PAM: variants seen among roughly 807,000 people sequenced by gnomAD.
PAM encodes the protein peptidylglycine alpha-amidating monooxygenase.
PAM carries 72 observed loss-of-function variants against 122.1 expected under a neutral mutation model. The ratio of observed to expected loss-of-function variants is 0.59; its 90% CI spans 0.49 to 0.72. PAM has a LOEUF of 0.72. PAM is among the 30% of genes least tolerant of loss of function. The probability of loss-of-function intolerance (pLI) is 0.00; values close to 1 mark genes in which losing one functional copy is unlikely to be tolerated. For synonymous variants in PAM, 389 were observed against 404.4 expected (o/e 0.96, Z 0.46); for missense variants, 1,106 against 1,183.7 (o/e 0.93, Z 0.96).
At chr5:102,778,032 C>T (rs1757652119) in intron 1 of PAM, among the ~76,000 whole-genome samples, 1 of 152,082 alleles carries the variant, frequency 6.6e-6, no homozygotes, top group East Asian at 1.9e-4. Context: ...GGCATTGTGC[C>T]GTCTTGGGGT....
At chr5:102,836,652 C>G (rs1056354790) in intron 1 of PAM, among the ~76,000 whole-genome samples, 1 of 151,978 alleles carries the variant, frequency 6.6e-6, no homozygotes, top group Non-Finnish European at 1.5e-5. Flanking sequence ...TTTAGGTGAA[C>G]TACTGTTTAC....
chr5:102,920,008 C>T (rs185962973), intron 5 of PAM, among the ~76,000 whole-genome samples: 2 of 152,160 alleles, frequency 1.3e-5, no homozygotes, highest in Non-Finnish European at 2.9e-5. Flanking sequence ...ATGTTAAATA[C>T]AGTAGCAATA....
chr5:102,904,092 AG>A, intron 4 of PAM, among the ~76,000 whole-genome samples: 1 of 151,562 alleles, frequency 6.6e-6, no homozygotes, highest in African/African-American at 2.4e-5. Context: ...TTTTGCCTAT[AG>A]GGTAGCCTAT....
intron 6 of PAM, among the ~76,000 whole-genome samples, chr5:102,926,199 A>G (rs937017223): frequency 4.0e-5 from 6 of 151,876 alleles, no homozygotes; most frequent in African/African-American, 1.5e-4. Context: ...GGTTCACGCC[A>G]TTCTCCTGCC....
rs181451132 is a variant in PAM, at chr5:102,832,327, A to G, written c.-373-33496A>G. On this transcript the variant is annotated intron_variant, in intron 1 of 25. Transcript: ENST00000438793. ...GTCATTGTAGTTTCAGGGGGCATGC[A>G]TGTCCACTTCCTCCCAGTTAATATC... 7.3e-4 allele frequency among the ~76,000 whole-genome samples: 111 copies of G among 152,222 alleles called. 2 individuals are homozygous for G. Among genetic ancestry groups the G allele is most frequent in the East Asian group, 2.5e-3 (13 of 5,176 alleles).
At chr5:102,855,439 G>C (rs1490588196) in intron 1 of PAM, among the ~76,000 whole-genome samples, 2 of 152,086 alleles carry the variant, frequency 1.3e-5, no homozygotes, top group Non-Finnish European at 2.9e-5. Context: ...AGAATCATTT[G>C]AAAATACAAC....
At chr5:102,969,361 C>A (rs17154889) in intron 14 of PAM, among the ~76,000 whole-genome samples, 41,257 of 151,786 alleles carry the variant, frequency 0.27, 5,936 homozygotes, top group East Asian at 0.44. Context: ...GGATATAACC[C>A]AGGAGTGTCC....
intron 21 of PAM, among the ~76,000 whole-genome samples, chr5:103,016,013 T>C (rs1009950514): frequency 6.6e-6 from 1 of 152,024 alleles, no homozygotes; most frequent in African/African-American, 2.4e-5. Flanking sequence ...AGAACAGGAG[T>C]GGCCTATCAT....
intron 3 of PAM, among the ~76,000 whole-genome samples, chr5:102,885,346 C>T (rs761097158): frequency 2.6e-5 from 4 of 151,838 alleles, no homozygotes; most frequent in African/African-American, 7.3e-5. Flanking sequence ...CTACAGTTGA[C>T]GTTATCAGTT....
intron 1 of PAM, among the ~76,000 whole-genome samples, chr5:102,847,159 G>A (rs1308193927): frequency 6.6e-6 from 1 of 152,112 alleles, no homozygotes; most frequent in Non-Finnish European, 1.5e-5. Flanking sequence ...AGGGTCTAAG[G>A]TACTCAGATT....
intron 1 of PAM, among the ~76,000 whole-genome samples, chr5:102,770,909 TAC>T (rs1237338870): frequency 6.6e-6 from 1 of 152,050 alleles, no homozygotes; most frequent in East Asian, 1.9e-4. Context: ...TTCCCCCAAA[TAC>T]TCTCTGTAGT....
intron 1 of PAM, among the ~76,000 whole-genome samples, chr5:102,761,339 G>A (rs1020575519): frequency 6.6e-6 from 1 of 152,224 alleles, no homozygotes; most frequent in African/African-American, 2.4e-5. Context: ...TCATTTTGTA[G>A]AGAGTGTGGG....
At chr5:103,007,282 A>T (rs1779314639) in intron 19 of PAM, among the ~76,000 whole-genome samples, 175 bp from the exon 20 acceptor site, 1 of 152,050 alleles carries the variant, frequency 6.6e-6, no homozygotes, top group Non-Finnish European at 1.5e-5. Context: ...GAAAATCTGT[A>T]ATGTATTTGT....
In PAM at chr5:102,779,918, T is replaced by TATATATATATATATATACACACAC. The variant is rs147065045; in HGVS notation, c.-374+24571_-374+24572insTATATATATATATATACACACACA. Among the ~76,000 whole-genome samples the TATATATATATATATATACACACAC allele has an allele frequency of 8.0e-4, 76 of 95,578 alleles. 1 individual carries two copies. Among genetic ancestry groups the TATATATATATATATATACACACAC allele is most frequent in the Admixed American group, 1.1e-3 (9 of 8,154 alleles). The allele number at this position is 95,578 out of a possible 152,430, so 62.7% of individuals were successfully genotyped here. On this transcript the variant is annotated intron_variant, in intron 1 of 25. Coordinates refer to ENST00000438793, the MANE Select transcript of PAM (RefSeq NM_001177306.2). The stretch of plus-strand genomic sequence containing the variant: ...ATATATATATATATATATATATATA[T>TATATATATATATATATACACACAC]ACACACATATATATATGTATATATC...
intron 15 of PAM, chr5:102,974,744 A>T: frequency 4.5e-6 from 1 of 220,202 alleles, no homozygotes; most frequent in East Asian, 9.9e-5. Flanking sequence ...AAATTCTTAC[A>T]ATTGAATATT....
chr5:103,016,219 G>A (rs865796230), intron 21 of PAM, among the ~76,000 whole-genome samples: 5 of 152,258 alleles, frequency 3.3e-5, no homozygotes, highest in Middle Eastern at 3.4e-3. Flanking sequence ...TCTTTTCAGT[G>A]TGATAAACTT....
At chr5:102,833,109 C>T (rs1028558199) in intron 1 of PAM, among the ~76,000 whole-genome samples, 7 of 152,108 alleles carry the variant, frequency 4.6e-5, no homozygotes, top group East Asian at 1.9e-4. Context: ...AATAGAAATA[C>T]ATAGGACAAC....
intron 20 of PAM, among the ~76,000 whole-genome samples, chr5:103,009,279 C>A (rs745493966): frequency 5.9e-5 from 9 of 152,016 alleles, no homozygotes; most frequent in Non-Finnish European, 1.3e-4. Context: ...TGTTTAAAAT[C>A]AGATTGTTCT....
At chr5:102,997,284 T>G (rs1281044705) in intron 16 of PAM, among the ~76,000 whole-genome samples, 1 of 151,838 alleles carries the variant, frequency 6.6e-6, no homozygotes, top group Non-Finnish European at 1.5e-5. Flanking sequence ...CTTTGGGAGG[T>G]GGAGTTGGGA....
Sources: gnomAD v4.1 joint callset for allele counts (sites outside exome capture counted in the v4.1 genomes callset) on GRCh38, gnomAD v4.1.1 for gene constraint, MANE v1.5 for transcripts, NCBI Gene and HGNC (gene_info 2026-07-23, HGNC 2026-07-21) for gene names.